TOX2: variants seen among roughly 807,000 people sequenced by gnomAD.
TOX2 encodes TOX high mobility group box family member 2.
A neutral mutation model predicts 47.4 loss-of-function variants in TOX2; 15 were observed. The ratio of observed to expected loss-of-function variants is 0.32; its 90% confidence interval spans 0.21 to 0.49. The LOEUF is 0.49. TOX2 is among the 20% of genes least tolerant of loss of function. The pLI is 0.99. For synonymous variants in TOX2, 290 were observed against 296.6 expected (o/e 0.98, Z 0.23); for missense variants, 622 against 673.1 (o/e 0.92, Z 0.84).
At chr20:44,057,744 T>C (rs1186817204) in intron 5 of TOX2, among the ~76,000 whole-genome samples, 1 of 152,214 alleles carries the variant, frequency 6.6e-6, no homozygotes, top group Non-Finnish European at 1.5e-5. Context: ...CAACTTATGA[T>C]TCTGAGGGTC....
intron 1 of TOX2, among the ~76,000 whole-genome samples, chr20:43,934,348 C>T (rs971406311): frequency 5.3e-5 from 8 of 152,182 alleles, no homozygotes; most frequent in South Asian, 2.1e-4. Flanking sequence ...ATTTCACTTA[C>T]GTTATTTATT....
At chr20:43,950,627 C>T (rs2069545851) in intron 1 of TOX2, among the ~76,000 whole-genome samples, 2 of 152,038 alleles carry the variant, frequency 1.3e-5, no homozygotes, top group Admixed American at 6.6e-5. Flanking sequence ...TTGGCTCACT[C>T]CCTCACCTCC....
rs531604254 is a variant in TOX2 at position 44,010,496 on chromosome 20, A to G, written c.411+3704A>G. On this transcript the variant is annotated intron_variant, in intron 3 of 8. Transcript: ENST00000341197. Reference sequence around the variant, plus strand: ...TACCCAGGGGAGGGCACCCGGACCAACTGGGAAAACCAGATAAGGAGATGT... The same window carrying G: ...TACCCAGGGGAGGGCACCCGGACCAGCTGGGAAAACCAGATAAGGAGATGT... Among the ~76,000 whole-genome samples the G allele has an allele frequency of 7.9e-5, 12 of 152,358 alleles. No homozygotes were observed. The East Asian group carries it at 2.1e-3, about 27-fold the overall frequency.
At chr20:43,945,790 A>T in intron 1 of TOX2, 1 of 1,387,710 alleles carries the variant, frequency 7.2e-7, no homozygotes, top group Non-Finnish European at 9.9e-7. Context: ...TTTCCATTTC[A>T]CCTTATACGA....
chr20:43,948,886 A>G (rs1446374231), intron 1 of TOX2, among the ~76,000 whole-genome samples: 9 of 152,240 alleles, frequency 5.9e-5, no homozygotes, highest in Non-Finnish European at 4.4e-5. Context: ...GTGGACCTGG[A>G]TTTTTAGCCT....
chr20:44,013,601 C>G (rs1600736881), intron 3 of TOX2, among the ~76,000 whole-genome samples: 3 of 152,358 alleles, frequency 2.0e-5, no homozygotes, highest in South Asian at 4.1e-4. Flanking sequence ...GTGTAACAAA[C>G]TACCCCAATA....
intron 3 of TOX2, among the ~76,000 whole-genome samples, chr20:44,045,035 A>G (rs892275834): frequency 2.0e-5 from 3 of 152,188 alleles, no homozygotes; most frequent in Admixed American, 2.0e-4. Flanking sequence ...GTGTGATTCC[A>G]CTTGTTTGAG....
At chr20:44,052,776 G>A (rs915469931) in intron 4 of TOX2, among the ~76,000 whole-genome samples, 1 of 152,154 alleles carries the variant, frequency 6.6e-6, no homozygotes, top group Non-Finnish European at 1.5e-5. Context: ...GCTAGTAAGT[G>A]GGGGGAACCA....
chr20:43,990,929 A>G (rs1292525384), intron 2 of TOX2, among the ~76,000 whole-genome samples: 2 of 152,312 alleles, frequency 1.3e-5, no homozygotes, highest in East Asian at 3.9e-4. Context: ...GCAAATAGAC[A>G]TCATTTTTCC....
At chr20:43,935,318 A>T (rs2069311281) in intron 1 of TOX2, among the ~76,000 whole-genome samples, 1 of 152,158 alleles carries the variant, frequency 6.6e-6, no homozygotes, top group Admixed American at 6.5e-5. Context: ...GTAGGATGTT[A>T]TATAAGCTAT....
At chr20:43,960,457 C>T (rs1261559631) in intron 1 of TOX2, among the ~76,000 whole-genome samples, 4 of 152,226 alleles carry the variant, frequency 2.6e-5, no homozygotes, top group Non-Finnish European at 5.9e-5. Context: ...CAAACTGGGA[C>T]ACCTCTGCTG....
At chr20:44,018,152 G>A (rs1419712681) in intron 3 of TOX2, among the ~76,000 whole-genome samples, 1 of 152,202 alleles carries the variant, frequency 6.6e-6, no homozygotes, top group African/African-American at 2.4e-5. Context: ...AATTTCATAT[G>A]TGCATGGACC....
At chr20:44,017,894 C>T (rs926989145) in intron 3 of TOX2, among the ~76,000 whole-genome samples, 15 of 152,150 alleles carry the variant, frequency 9.9e-5, no homozygotes. Flanking sequence ...GCCCATGTAG[C>T]CTTCCAAAAT....
intron 1 of TOX2, among the ~76,000 whole-genome samples, chr20:43,929,002 A>G (rs886448602): frequency 6.7e-6 from 1 of 149,126 alleles, no homozygotes; most frequent in African/African-American, 2.5e-5. Context: ...AAAAAAAACA[A>G]CAACAAAAAA....
chr20:43,985,440 G>A (rs914732251), intron 2 of TOX2, among the ~76,000 whole-genome samples: 1 of 152,196 alleles, frequency 6.6e-6, no homozygotes, highest in Non-Finnish European at 1.5e-5. Context: ...ACATGAGAAG[G>A]CAGAACTGGG....
intron 3 of TOX2, among the ~76,000 whole-genome samples, chr20:44,015,576 A>C (rs964121140): frequency 7.9e-5 from 12 of 152,254 alleles, no homozygotes; most frequent in African/African-American, 2.9e-4. Context: ...CCAGAGCGGG[A>C]GTAATAGCTT....
chr20:43,923,099 G>A (rs1173346853), intron 1 of TOX2, among the ~76,000 whole-genome samples: 2 of 152,142 alleles, frequency 1.3e-5, no homozygotes, highest in African/African-American at 4.8e-5. Flanking sequence ...GGCAGAGGGA[G>A]CAGCCATTGT....
chr20:43,922,547 G>A (rs2069122956), intron 1 of TOX2, among the ~76,000 whole-genome samples: 1 of 152,136 alleles, frequency 6.6e-6, no homozygotes, highest in South Asian at 2.1e-4. Flanking sequence ...TATTTACATG[G>A]ATTCAAACCT....
chr20:44,009,987 C>T (rs536128651), intron 3 of TOX2, among the ~76,000 whole-genome samples: 1 of 152,196 alleles, frequency 6.6e-6, no homozygotes, highest in Non-Finnish European at 1.5e-5. Flanking sequence ...GTCTTGGAAT[C>T]ATAATCGTAC....
Sources: gnomAD v4.1 joint callset for allele counts (sites outside exome capture counted in the v4.1 genomes callset) on GRCh38, gnomAD v4.1.1 for gene constraint, MANE v1.5 for transcripts, NCBI Gene and HGNC (gene_info 2026-07-23, HGNC 2026-07-21) for gene names.